The following TBCD variants were observed in gnomAD, a reference collection of about 807,000 sequenced individuals.
TBCD encodes the protein tubulin-specific chaperone D.
TBCD carries 105 observed loss-of-function variants against 169.3 expected under a neutral mutation model. The observed-to-expected ratio is 0.62, with a 90% CI of 0.53 to 0.73. TBCD has a LOEUF of 0.73. Ranked by LOEUF, TBCD falls within the 30% of genes least tolerant of loss-of-function variation. The pLI is 0.00. For synonymous variants in TBCD, 700 were observed against 643.9 expected, an observed-to-expected ratio of 1.09 and a Z score of -1.32; for missense variants, 1,444 against 1,600.1, an observed-to-expected ratio of 0.90 and a Z score of 1.66.
intron 13 of TBCD, among the ~76,000 whole-genome samples, chr17:82,866,495 C>G (rs2057183293): frequency 1.3e-5 from 2 of 152,264 alleles, no homozygotes; most frequent in African/African-American, 4.8e-5. Flanking sequence ...CGTCAGCAGC[C>G]AGGCCTTGGC....
chr17:82,752,855 G>A (rs1368993986), intron 1 of TBCD, among the ~76,000 whole-genome samples: 1 of 152,166 alleles, frequency 6.6e-6, no homozygotes, highest in Admixed American at 6.5e-5. Flanking sequence ...GGGGGACGCA[G>A]GGAACAAACC....
intron 13 of TBCD, among the ~76,000 whole-genome samples, chr17:82,840,764 C>A (rs1278920756): frequency 6.6e-6 from 1 of 151,960 alleles, no homozygotes; most frequent in African/African-American, 2.4e-5. Flanking sequence ...CACCCCCCCA[C>A]CAAAACTGCT....
At chr17:82,908,167 C>T (rs1260768387) in intron 21 of TBCD, 4 of 387,234 alleles carry the variant, frequency 1.0e-5, no homozygotes, top group Admixed American at 3.5e-5. Context: ...AGTGTGGTTT[C>T]CCTCCGGGGC....
At chr17:82,779,037 G>A (rs1458866769) in intron 6 of TBCD, among the ~76,000 whole-genome samples, 1 of 150,038 alleles carries the variant, frequency 6.7e-6, no homozygotes, top group African/African-American at 2.5e-5. Flanking sequence ...TATTTTTACG[G>A]GGTCTTGCTC....
Position 82,927,293 on chromosome 17 carries a change from C to G in TBCD, c.2579C>G (p.Thr860Ser), listed in dbSNP as rs1369909567. The G allele has an allele frequency of 6.2e-7, 1 of 1,613,994 alleles. No individual in the cohort carries two copies. Among genetic ancestry groups the G allele is most frequent in the Non-Finnish European group, 8.5e-7 (1 of 1,179,886 alleles). The change falls in exon 29 of 39, where the codon ACC becomes AGC. Residue 860 changes from threonine to serine, a missense_variant. Coordinates refer to ENST00000355528, the MANE Select transcript of TBCD (RefSeq NM_005993.5). ...CALLGCMDDY[T>S]TDSRGDVGTW... ...CTGCTGGGCTGCATGGACGACTACACCACGGACAGCAGAGGGGACGTGGGC... is the reference window on the plus strand; with the variant it reads ...CTGCTGGGCTGCATGGACGACTACAGCACGGACAGCAGAGGGGACGTGGGC...
chr17:82,791,293 G>A (rs979996335), intron 7 of TBCD, among the ~76,000 whole-genome samples: 4 of 151,918 alleles, frequency 2.6e-5, no homozygotes, highest in African/African-American at 4.8e-5. Context: ...GGGTTTCACC[G>A]TGTTAGCCAG....
rs1229783355 is a variant in TBCD at position 82,874,060 on chromosome 17, G to T, written c.1475+3680G>T. Among the ~76,000 whole-genome samples, 2 of 152,238 alleles carry T rather than the reference G, an allele frequency of 1.3e-5. No individual in the cohort carries two copies. Among genetic ancestry groups the T allele is most frequent in the Non-Finnish European group, 2.9e-5 (2 of 68,034 alleles). ...CAGCTGCCACGTGTGGACCGGCACG[G>T]GCATGGTCGTGGTCTGCCCAGCTGG... On this transcript the variant is annotated intron_variant, in intron 14 of 38. Transcript: ENST00000355528. This position sits in a 1 kb window ranked among gnomAD's most constrained non-coding sequence, Gnocchi z 5.0.
At chr17:82,752,439 A>C in intron 1 of TBCD, 62 bp downstream of exon 1, 1 of 1,160,008 alleles carries the variant, frequency 8.6e-7, no homozygotes, top group South Asian at 4.3e-5. Flanking sequence ...CGCTGAGTGC[A>C]CTTTACCGGG....
chr17:82,856,482 C>T (rs1184545121), intron 13 of TBCD, among the ~76,000 whole-genome samples: 2 of 152,102 alleles, frequency 1.3e-5, no homozygotes, highest in Non-Finnish European at 2.9e-5. Flanking sequence ...CCAATGCTTG[C>T]GTTCCCCAAA....
chr17:82,913,738 C>CT (rs2060828792), intron 23 of TBCD: 1 of 152,434 alleles, frequency 6.6e-6, no homozygotes, highest in Non-Finnish European at 1.5e-5. Context: ...AGGGCAGCCA[C>CT]ATTGATGTCC....
intron 21 of TBCD, among the ~76,000 whole-genome samples, chr17:82,908,070 T>G (rs2060369636): frequency 6.6e-6 from 1 of 152,218 alleles, no homozygotes; most frequent in African/African-American, 2.4e-5. Flanking sequence ...GAGTGCAGAC[T>G]TTCTGTGCAC....
chr17:82,859,865 G>A (rs1181948505), intron 13 of TBCD: 26 of 985,328 alleles, frequency 2.6e-5, no homozygotes, highest in Middle Eastern at 1.0e-3. Context: ...GAAAACCCTT[G>A]AGATAACTGG....
chr17:82,823,554 C>T (rs1442005205), intron 13 of TBCD, among the ~76,000 whole-genome samples: 5 of 142,130 alleles, frequency 3.5e-5, no homozygotes, highest in Non-Finnish European at 4.6e-5. Flanking sequence ...CCCTGTAGAA[C>T]GTGGCATTTT....
chr17:82,869,374 C>G (rs1176443846), intron 13 of TBCD, among the ~76,000 whole-genome samples: 1 of 152,068 alleles, frequency 6.6e-6, no homozygotes, highest in East Asian at 1.9e-4. Context: ...TAAAAAGTAG[C>G]TGGGTGTGAT....
chr17:82,832,182 G>A lies in TBCD; in HGVS notation c.1318+17248G>A, dbSNP rs376956972. The A allele has an allele frequency of 3.8e-5, 62 of 1,614,146 alleles. No homozygotes were observed. Among genetic ancestry groups the A allele is most frequent in the African/African-American group, 2.7e-4 (20 of 74,950 alleles). On this transcript the variant is annotated intron_variant, in intron 13 of 38. Coordinates refer to ENST00000355528, the MANE Select transcript of TBCD (RefSeq NM_005993.5). The surrounding 1 kb of genome is among the most constrained non-coding windows in gnomAD (Gnocchi z 4.9). ...AGTCGAAGGCAGAGAGTCCATTTGC[G>A]ACAGACTTGGAAGAGGCTGGCTTCG...
intron 14 of TBCD, among the ~76,000 whole-genome samples, chr17:82,872,095 C>T (rs770976553): frequency 3.3e-5 from 5 of 152,162 alleles, no homozygotes; most frequent in Non-Finnish European, 7.3e-5. Context: ...GTGTGCAGCA[C>T]GTGGCCAGCG....
intron 17 of TBCD, chr17:82,896,125 T>C (rs1188418815): frequency 6.6e-6 from 1 of 152,332 alleles, no homozygotes; most frequent in Non-Finnish European, 1.5e-5. Flanking sequence ...ACCCCTGGTC[T>C]GTTGCTCTCA....
At chr17:82,910,808 C>G (rs111873142) in intron 22 of TBCD, among the ~76,000 whole-genome samples, 13 of 152,172 alleles carry the variant, frequency 8.5e-5, no homozygotes, top group African/African-American at 2.9e-4. Flanking sequence ...TGAAGCGATC[C>G]GCCCGCCTCG....
chr17:82,772,572 A>T (rs2048361730), intron 6 of TBCD, 65 bp downstream of exon 6: 12 of 1,554,602 alleles, frequency 7.7e-6, no homozygotes, highest in Non-Finnish European at 1.1e-5. Context: ...TTGTTTGGGT[A>T]CGTGTTTCAT....
Sources: allele counts gnomAD v4.1 joint callset (sites outside exome capture counted in the v4.1 genomes callset), GRCh38; gene constraint gnomAD v4.1.1; non-coding constraint Gnocchi (gnomAD v3.1); transcripts MANE v1.5; gene names NCBI Gene and HGNC (gene_info 2026-07-23, HGNC 2026-07-21).